The following DPP10 variants were observed in gnomAD, a reference collection of about 807,000 sequenced individuals.
DPP10 encodes the protein dipeptidyl peptidase like 10.
In DPP10, 33 loss-of-function variants were observed where a neutral mutation model predicts 120.9. That is an observed-to-expected ratio of 0.27 (90% confidence interval 0.21 to 0.37). The LOEUF (loss-of-function observed/expected upper bound fraction) is 0.37. Ranked by LOEUF, DPP10 falls within the 10% of genes least tolerant of loss-of-function variation. DPP10 has a pLI of 1.00. For missense variants in DPP10, 816 were observed against 942.8 expected, an observed-to-expected ratio of 0.87 and a Z score of 1.76; for synonymous variants, 337 against 326.1, an observed-to-expected ratio of 1.03 and a Z score of -0.36.
chr2:114,970,453 T>C (rs980472654), intron 1 of DPP10, among the ~76,000 whole-genome samples: 1 of 152,104 alleles, frequency 6.6e-6, no homozygotes, highest in African/African-American at 2.4e-5. Flanking sequence ...ACTCTTCCAA[T>C]ATGTATTTGA....
intron 1 of DPP10, chr2:114,462,276 C>A: frequency 2.4e-6 from 1 of 411,680 alleles, no homozygotes; most frequent in Non-Finnish European, 3.3e-6. Context: ...ACATTTGTCA[C>A]AATGAGGAAT....
intron 3 of DPP10, among the ~76,000 whole-genome samples, chr2:115,431,974 A>G (rs534099220): frequency 7.8e-4 from 119 of 152,238 alleles, no homozygotes; most frequent in African/African-American, 2.6e-3. Flanking sequence ...GCTGCTTTCC[A>G]AGGGAAACGG....
chr2:115,830,224 G>A (rs888155135), intron 21 of DPP10, among the ~76,000 whole-genome samples: 1 of 151,944 alleles, frequency 6.6e-6, no homozygotes, highest in African/African-American at 2.4e-5. Context: ...TGGGTGTGGT[G>A]GCGAGTGTCT....
At chr2:115,453,303 C>CT (rs757094510) in intron 3 of DPP10, among the ~76,000 whole-genome samples, 4 of 151,470 alleles carry the variant, frequency 2.6e-5, no homozygotes, top group South Asian at 4.2e-4. Context: ...TTGGCATACT[C>CT]TTTTTTTATT....
chr2:115,747,551 T>C (rs1156888457), intron 10 of DPP10, among the ~76,000 whole-genome samples: 1 of 151,892 alleles, frequency 6.6e-6, no homozygotes, highest in Non-Finnish European at 1.5e-5. Context: ...ATTTGTCTCA[T>C]TGGATAAATC....
intron 1 of DPP10, chr2:114,835,313 C>A (rs1687636262): frequency 1.3e-5 from 2 of 150,796 alleles, no homozygotes; most frequent in Non-Finnish European, 3.0e-5. Context: ...TAAGACATAT[C>A]TACACACCTA....
At chr2:115,739,158 A>G (rs951773647) in intron 8 of DPP10, among the ~76,000 whole-genome samples, 3 of 152,194 alleles carry the variant, frequency 2.0e-5, no homozygotes, top group Admixed American at 2.0e-4. Context: ...CCTCTTTCTA[A>G]TCTCCTGCCA....
At chr2:115,267,137 C>A (rs1397140831) in intron 1 of DPP10, among the ~76,000 whole-genome samples, 1 of 152,062 alleles carries the variant, frequency 6.6e-6, no homozygotes, top group Non-Finnish European at 1.5e-5. Context: ...TAGAAGGAAT[C>A]AAGTAATATT....
chr2:115,138,066 A>T (rs1339579361), intron 1 of DPP10, among the ~76,000 whole-genome samples: 1 of 152,214 alleles, frequency 6.6e-6, no homozygotes, highest in African/African-American at 2.4e-5. Flanking sequence ...AAGCTGAAAC[A>T]AAGAGTTTTT....
At chr2:115,076,484 G>C (rs1707807572) in intron 1 of DPP10, among the ~76,000 whole-genome samples, 1 of 151,930 alleles carries the variant, frequency 6.6e-6, no homozygotes, top group South Asian at 2.1e-4. Flanking sequence ...ATGTCAAAAG[G>C]ATAATAATTT....
At chr2:115,153,899 T>C (rs1180769277) in intron 1 of DPP10, among the ~76,000 whole-genome samples, 1 of 152,170 alleles carries the variant, frequency 6.6e-6, no homozygotes, top group Non-Finnish European at 1.5e-5. Flanking sequence ...TTCTATAACA[T>C]TCTGTATCTT....
intron 1 of DPP10, among the ~76,000 whole-genome samples, chr2:114,874,203 C>A (rs1274068144): frequency 6.6e-6 from 1 of 152,136 alleles, no homozygotes; most frequent in Non-Finnish European, 1.5e-5. Context: ...CCACAGAACA[C>A]CCCCAGACTG....
intron 1 of DPP10, among the ~76,000 whole-genome samples, chr2:114,516,094 C>T (rs1034023571): frequency 1.3e-5 from 2 of 152,062 alleles, no homozygotes; most frequent in South Asian, 2.1e-4. Flanking sequence ...CTGAGGGAGC[C>T]CAAGAATTTG....
At chr2:114,902,227 C>T (rs1693633294) in intron 1 of DPP10, among the ~76,000 whole-genome samples, 1 of 152,068 alleles carries the variant, frequency 6.6e-6, no homozygotes, top group South Asian at 2.1e-4. Context: ...TTTTTGTTTC[C>T]TATGCTATTG....
At chr2:115,594,838 A>G (rs944352346) in intron 5 of DPP10, among the ~76,000 whole-genome samples, 3 of 152,304 alleles carry the variant, frequency 2.0e-5, no homozygotes, top group African/African-American at 2.4e-5. Context: ...AAAATTTATC[A>G]TAATAGATAT....
intron 1 of DPP10, among the ~76,000 whole-genome samples, chr2:114,447,032 A>AG (rs1206688520): frequency 8.8e-6 from 1 of 113,630 alleles, no homozygotes; most frequent in East Asian, 2.6e-4. Flanking sequence ...ACTGGTTGTT[A>AG]AATTTTTTTT....
chr2:114,556,996 AC>A (rs1403692771), intron 1 of DPP10, among the ~76,000 whole-genome samples: 3 of 85,104 alleles, frequency 3.5e-5, no homozygotes, highest in Non-Finnish European at 4.9e-5. Context: ...GATAGCAAAG[AC>A]AGCTTTTTTT....
rs77930043 is a variant in DPP10, at chr2:115,209,924, C to T, written c.61-99315C>T. Among the ~76,000 whole-genome samples the T allele has an allele frequency of 3.4e-3, 512 of 152,232 alleles. 3 individuals are homozygous for T. The highest frequency in any genetic ancestry group is 0.012 in the African/African-American group (481 of 41,530). On this transcript the variant is annotated intron_variant, in intron 1 of 25. Coordinates refer to ENST00000410059, the MANE Select transcript of DPP10 (RefSeq NM_020868.6). ...TAAGTAGGCCAGGTTCAGTGGCTCA[C>T]GCCTGTAATACCAAGCACTTTGAGG...
intron 1 of DPP10, among the ~76,000 whole-genome samples, chr2:114,619,284 G>A (rs1693905405): frequency 6.6e-6 from 1 of 151,820 alleles, no homozygotes; most frequent in South Asian, 2.1e-4. Flanking sequence ...TTGAAAACAT[G>A]CAAATACAGT....
Sources: allele counts gnomAD v4.1 joint callset (sites outside exome capture counted in the v4.1 genomes callset), GRCh38; gene constraint gnomAD v4.1.1; transcripts MANE v1.5; gene names NCBI Gene and HGNC (gene_info 2026-07-23, HGNC 2026-07-21).